The following FGF14 variants were observed in gnomAD, a reference collection of about 807,000 sequenced individuals.
The protein encoded by FGF14 is fibroblast growth factor 14.
A neutral mutation model predicts 25.5 loss-of-function variants in FGF14; 5 were observed. That is an observed-to-expected ratio of 0.20 (90% CI 0.10 to 0.41). The LOEUF is 0.41. Ranked by LOEUF, FGF14 falls within the 10% of genes least tolerant of loss-of-function variation. FGF14 has a pLI of 1.00. For synonymous variants in FGF14, 138 were observed against 118.3 expected, an observed-to-expected ratio of 1.17 and a Z score of -1.08; for missense variants, 222 against 320.1, an observed-to-expected ratio of 0.69 and a Z score of 2.34.
At chr13:101,818,291 G>A (rs1451649958) in intron 3 of FGF14, among the ~76,000 whole-genome samples, 2 of 152,148 alleles carry the variant, frequency 1.3e-5, no homozygotes, top group East Asian at 3.9e-4. Flanking sequence ...CAGAAATTCT[G>A]ATAAAGAAAT....
intron 1 of FGF14, among the ~76,000 whole-genome samples, chr13:102,043,202 T>G (rs565441354): frequency 3.0e-4 from 45 of 152,168 alleles, no homozygotes; most frequent in Non-Finnish European, 5.1e-4. Context: ...AAAATAGTGT[T>G]GATATTGACT....
At chr13:102,083,458 T>C (rs2043736524) in intron 1 of FGF14, among the ~76,000 whole-genome samples, 1 of 152,160 alleles carries the variant, frequency 6.6e-6, no homozygotes, top group Non-Finnish European at 1.5e-5. Flanking sequence ...TAACTTGGCT[T>C]ACTTTCCAAC....
At chr13:102,265,474 C>A (rs894262634) in intron 1 of FGF14, among the ~76,000 whole-genome samples, 3 of 152,086 alleles carry the variant, frequency 2.0e-5, no homozygotes, top group African/African-American at 7.2e-5. Context: ...CCATTATGGT[C>A]TTCTATAAGC....
chr13:102,172,771 C>G (rs917542975), intron 1 of FGF14, among the ~76,000 whole-genome samples: 3 of 152,144 alleles, frequency 2.0e-5, no homozygotes, highest in African/African-American at 7.2e-5. Flanking sequence ...ATCAATACTT[C>G]TTGTATTTTT....
At chr13:102,236,484 G>T (rs1239989533) in intron 1 of FGF14, among the ~76,000 whole-genome samples, 1 of 152,110 alleles carries the variant, frequency 6.6e-6, no homozygotes, top group Admixed American at 6.5e-5. Context: ...CAAACAGGAA[G>T]CCTGAACCTA....
chr13:102,178,611 G>C (rs1024846729), intron 1 of FGF14, among the ~76,000 whole-genome samples: 2 of 151,994 alleles, frequency 1.3e-5, no homozygotes, highest in African/African-American at 2.4e-5. Context: ...ACGTTATTTA[G>C]CTCCCACTTC....
At chr13:102,002,165 A>G (rs1221405038) in intron 1 of FGF14, 1 of 152,192 alleles carries the variant, frequency 6.6e-6, no homozygotes, top group African/African-American at 2.4e-5. Context: ...GCTTTCAGTA[A>G]TTCTGTAACG....
At chr13:101,908,533 T>C (rs1008275889) in intron 1 of FGF14, among the ~76,000 whole-genome samples, 1 of 152,088 alleles carries the variant, frequency 6.6e-6, no homozygotes, top group African/African-American at 2.4e-5. Context: ...TTAATAATTA[T>C]CCAATTATTG....
At chr13:102,377,458 T>A (rs1330048376) in intron 1 of FGF14, among the ~76,000 whole-genome samples, 2 of 152,232 alleles carry the variant, frequency 1.3e-5, no homozygotes, top group Non-Finnish European at 2.9e-5. Flanking sequence ...CATTTTGGCA[T>A]ATACACATGA....
At chr13:101,903,084 T>G (rs911140373) in intron 1 of FGF14, among the ~76,000 whole-genome samples, 1 of 152,272 alleles carries the variant, frequency 6.6e-6, no homozygotes, top group African/African-American at 2.4e-5. Flanking sequence ...TCTTTTCCAA[T>G]GAATTCTAGT....
intron 1 of FGF14, among the ~76,000 whole-genome samples, chr13:101,993,287 T>C (rs1042176136): frequency 4.0e-5 from 6 of 151,628 alleles, no homozygotes; most frequent in East Asian, 1.9e-4. Flanking sequence ...AAATAAAGAC[T>C]CTTAGAGTAA....
chr13:101,850,704 C>T (rs1383958338), intron 3 of FGF14, among the ~76,000 whole-genome samples: 3 of 143,316 alleles, frequency 2.1e-5, no homozygotes, highest in East Asian at 2.1e-4. Context: ...ATAGAATATA[C>T]ATATAATACA....
intron 1 of FGF14, among the ~76,000 whole-genome samples, chr13:102,345,287 A>T (rs1053462465): frequency 6.6e-6 from 1 of 152,236 alleles, no homozygotes; most frequent in African/African-American, 2.4e-5. Flanking sequence ...GGCAAACAAG[A>T]AATAGCAAGC....
intron 1 of FGF14, among the ~76,000 whole-genome samples, chr13:102,348,189 A>C (rs2057170198): frequency 6.6e-6 from 1 of 152,212 alleles, no homozygotes; most frequent in African/African-American, 2.4e-5. Context: ...AGGATCTAAA[A>C]GTCAGATATT....
At chr13:102,378,623 C>CTA (rs1367750076) in intron 1 of FGF14, among the ~76,000 whole-genome samples, 95 of 124,336 alleles carry the variant, frequency 7.6e-4, no homozygotes, top group East Asian at 2.7e-3. Flanking sequence ...ATCTATCTAT[C>CTA]TATCTATCTA....
chr13:101,789,512 A>G (rs988840312), intron 3 of FGF14, among the ~76,000 whole-genome samples: 1 of 152,152 alleles, frequency 6.6e-6, no homozygotes, highest in African/African-American at 2.4e-5. Context: ...TTTTTGAAAC[A>G]TATTTCACAG....
At chr13:102,142,952 C>T (rs565689541) in intron 1 of FGF14, among the ~76,000 whole-genome samples, 12 of 152,322 alleles carry the variant, frequency 7.9e-5, no homozygotes, top group Non-Finnish European at 1.6e-4. Flanking sequence ...AAAATCTACA[C>T]ACCTTCTGCA....
chr13:102,070,956 AACAC>A (rs56002219), intron 1 of FGF14, among the ~76,000 whole-genome samples: 4,995 of 148,870 alleles, frequency 0.034, 89 homozygotes, highest in Middle Eastern at 0.056. Context: ...AACAAAACAA[AACAC>A]ACACACACAC....
intron 1 of FGF14, among the ~76,000 whole-genome samples, chr13:102,086,097 G>T (rs901131099): frequency 3.9e-5 from 6 of 152,200 alleles, no homozygotes; most frequent in Non-Finnish European, 7.3e-5. Context: ...GCACTAGCTA[G>T]CAAGTTATGC....
Sources: allele counts gnomAD v4.1 joint callset (sites outside exome capture counted in the v4.1 genomes callset), GRCh38; gene constraint gnomAD v4.1.1; transcripts MANE v1.5; gene names NCBI Gene and HGNC (gene_info 2026-07-23, HGNC 2026-07-21).